The following SEPTIN9 variants were observed in gnomAD, a reference collection of about 807,000 sequenced individuals.
SEPTIN9 encodes the protein septin-9.
A neutral mutation model predicts 56.6 loss-of-function variants in SEPTIN9; 13 were observed. That is an observed-to-expected ratio of 0.23 (90% confidence interval 0.15 to 0.37). The LOEUF is 0.37. Ranked by LOEUF, SEPTIN9 falls within the 10% of genes least tolerant of loss-of-function variation. The probability of loss-of-function intolerance (pLI) is 1.00; values close to 1 mark genes in which losing one functional copy is unlikely to be tolerated. For synonymous variants in SEPTIN9, 332 were observed against 334.1 expected (o/e 0.99, Z 0.07); for missense variants, 650 against 823.1 (o/e 0.79, Z 2.57).
intron 2 of SEPTIN9, among the ~76,000 whole-genome samples, chr17:77,331,471 T>C (rs942110451): frequency 2.0e-5 from 3 of 152,002 alleles, no homozygotes; most frequent in Non-Finnish European, 4.4e-5. Flanking sequence ...ACTGGGCATT[T>C]CCCGTGCACC....
rs1220885340 is a variant in SEPTIN9, at chr17:77,434,244, G to GC, written c.721+31542dup. Among the ~76,000 whole-genome samples, 2 of 152,000 alleles carry GC rather than the reference G, an allele frequency of 1.3e-5. No individual in the cohort carries two copies. The highest frequency in any genetic ancestry group is 4.8e-5 in the African/African-American group (2 of 41,380). ...GGTGGCAGGACTGGCTGGGGTTCTGGCTCCAGGCCCAGCCCCAGCCCCTGT... is the reference window on the plus strand; with the variant it reads ...GGTGGCAGGACTGGCTGGGGTTCTGGCCTCCAGGCCCAGCCCCAGCCCCTGT... On this transcript the variant is annotated intron_variant, in intron 3 of 11. Transcript: ENST00000427177. The surrounding 1 kb of genome is among the most constrained non-coding windows in gnomAD (Gnocchi z 5.0).
intron 2 of SEPTIN9, among the ~76,000 whole-genome samples, chr17:77,390,474 C>T (rs1297628216): frequency 5.5e-5 from 6 of 108,310 alleles, no homozygotes; most frequent in South Asian, 3.3e-4. Context: ...TTTTTTGAGA[C>T]GGAGTCTCGC....
In SEPTIN9 at chr17:77,450,740, A is replaced by T. The variant is rs1476168723; in HGVS notation, c.722-31404A>T. The stretch of plus-strand genomic sequence containing the variant: ...GGGCTGGAGAGGCTGGAGAGGCAGG[A>T]GCTGGATCAGATCTGAATCCAGAGG... On this transcript the variant is annotated intron_variant, in intron 3 of 11. Coordinates refer to ENST00000427177, the MANE Select transcript of SEPTIN9 (RefSeq NM_001113491.2). This position sits in a 1 kb window ranked among gnomAD's most constrained non-coding sequence, Gnocchi z 6.0. The T allele has an allele frequency of 2.0e-6, 2 of 986,050 alleles. No homozygotes were observed. The highest frequency in any genetic ancestry group is 3.5e-5 in the African/African-American group (2 of 57,162). The allele number at this position is 986,050 out of a possible 1,614,324, so 61.1% of individuals were successfully genotyped here.
intron 2 of SEPTIN9, among the ~76,000 whole-genome samples, chr17:77,336,521 A>G (rs2033558729): frequency 6.6e-6 from 1 of 152,198 alleles, no homozygotes; most frequent in East Asian, 1.9e-4. Context: ...CACTATTTTA[A>G]GCTGAAATAG....
chr17:77,411,395 TTC>T (rs2036290596), intron 3 of SEPTIN9, among the ~76,000 whole-genome samples: 2 of 136,518 alleles, frequency 1.5e-5, no homozygotes, highest in African/African-American at 6.3e-5. Context: ...CTTTTTCTTT[TTC>T]TTTTTTTTTT....
chr17:77,402,205 G>T lies in SEPTIN9; in HGVS notation c.223G>T (p.Ala75Ser), dbSNP rs752068732. The change falls in exon 3 of 12, where the codon GCC becomes TCC. Residue 75 changes from alanine to serine, a missense_variant. Coordinates refer to ENST00000427177, the MANE Select transcript of SEPTIN9 (RefSeq NM_001113491.2). The surrounding 1 kb of genome is among the most constrained non-coding windows in gnomAD (Gnocchi z 6.6). ...GGGCGTGAAGAACTCAGAACCCTCG[G>T]CCCGCCATGTGGACTCCCTAAGCCA... ...DLGVKNSEPS[A>S]RHVDSLSQRS... 1.7e-5 allele frequency: 28 copies of T among 1,613,426 alleles called. No homozygotes were observed. Among genetic ancestry groups the T allele is most frequent in the Non-Finnish European group, 2.1e-5 (25 of 1,179,864 alleles).
At chr17:77,390,398 A>C (rs1291855384) in intron 2 of SEPTIN9, among the ~76,000 whole-genome samples, 1 of 141,622 alleles carries the variant, frequency 7.1e-6, no homozygotes, top group Non-Finnish European at 1.5e-5. Flanking sequence ...GAAGGCCTGC[A>C]GTCACCTCCC....
chr17:77,379,085 C>T (rs2143953197), intron 2 of SEPTIN9, among the ~76,000 whole-genome samples: 1 of 152,234 alleles, frequency 6.6e-6, no homozygotes, highest in Middle Eastern at 3.4e-3. Flanking sequence ...TGCAAGGGCC[C>T]AGTCAAGTGT....
chr17:77,464,625 G>A (rs2038626949), intron 3 of SEPTIN9, among the ~76,000 whole-genome samples: 2 of 150,722 alleles, frequency 1.3e-5, no homozygotes, highest in South Asian at 4.2e-4. Context: ...TTTTGAGACG[G>A]AGTCTCGCTC....
intron 2 of SEPTIN9, among the ~76,000 whole-genome samples, chr17:77,384,508 G>A (rs1384977832): frequency 1.3e-5 from 2 of 151,888 alleles, no homozygotes; most frequent in African/African-American, 2.4e-5. Flanking sequence ...TAGGATTCTC[G>A]GGGAGGAAGG....
chr17:77,309,279 T>C (rs902045177), intron 2 of SEPTIN9, among the ~76,000 whole-genome samples: 1 of 152,272 alleles, frequency 6.6e-6, no homozygotes, highest in Non-Finnish European at 1.5e-5. Context: ...CAGCTCAGCT[T>C]GGAAGCCTAA....
chr17:77,455,581 C>T (rs1171885091), intron 3 of SEPTIN9, among the ~76,000 whole-genome samples: 6 of 152,206 alleles, frequency 3.9e-5, no homozygotes, highest in Non-Finnish European at 8.8e-5. Flanking sequence ...CCAGGAGGTA[C>T]GCAGACGTGG....
At position 77,326,325 on chromosome 17, in the gene SEPTIN9, A is replaced by G. The variant is rs75810627; in HGVS notation, c.76+19128A>G. 0.016 allele frequency among the ~76,000 whole-genome samples: 2,456 copies of G among 152,360 alleles called. 76 individuals are homozygous for G. The highest frequency in any genetic ancestry group is 0.055 in the African/African-American group (2,293 of 41,576). ...CATGGGACTGCACAAGTGCAAGACC[A>G]CATCAGTAAACGTGAAACACAGGAA... is the stretch of plus-strand genomic sequence containing the variant. On this transcript the variant is annotated intron_variant, in intron 2 of 11. Transcript: ENST00000427177. The surrounding 1 kb of genome is among the most constrained non-coding windows in gnomAD (Gnocchi z 5.1).
At chr17:77,284,808 T>G (rs1465989931) in intron 1 of SEPTIN9, among the ~76,000 whole-genome samples, 2 of 152,020 alleles carry the variant, frequency 1.3e-5, no homozygotes, top group Non-Finnish European at 2.9e-5. Context: ...TTTTATATTT[T>G]TACTAGAGAT....
chr17:77,441,694 T>A (rs930870394), intron 3 of SEPTIN9, among the ~76,000 whole-genome samples: 2 of 152,168 alleles, frequency 1.3e-5, no homozygotes, highest in African/African-American at 4.8e-5. Flanking sequence ...AGCTGAAGAT[T>A]TTTCTTTCCG....
At chr17:77,290,244 G>A (rs2143508797) in intron 1 of SEPTIN9, among the ~76,000 whole-genome samples, 1 of 150,716 alleles carries the variant, frequency 6.6e-6, no homozygotes, top group Non-Finnish European at 1.5e-5. Flanking sequence ...AGAGCTTGCT[G>A]TCTTAAAATA....
chr17:77,357,641 A>T (rs557643606), intron 2 of SEPTIN9, among the ~76,000 whole-genome samples: 1 of 150,826 alleles, frequency 6.6e-6, no homozygotes, highest in African/African-American at 2.4e-5. Context: ...CTGAGATGGG[A>T]TCTTGCTAGG....
At chr17:77,291,196 TG>T (rs2031534399) in intron 1 of SEPTIN9, among the ~76,000 whole-genome samples, 1 of 151,362 alleles carries the variant, frequency 6.6e-6, no homozygotes, top group Admixed American at 6.6e-5. Context: ...CCGCCACACC[TG>T]GCTAATTTTT....
At chr17:77,472,951 G>A (rs927664936) in intron 3 of SEPTIN9, among the ~76,000 whole-genome samples, 2 of 152,250 alleles carry the variant, frequency 1.3e-5, no homozygotes, top group Non-Finnish European at 2.9e-5. Flanking sequence ...AGAACAGGAA[G>A]TCCCCAGTGA....
Sources: gnomAD v4.1 joint callset for allele counts (sites outside exome capture counted in the v4.1 genomes callset) on GRCh38, gnomAD v4.1.1 for gene constraint, Gnocchi (gnomAD v3.1) non-coding constraint, MANE v1.5 for transcripts, NCBI Gene and HGNC (gene_info 2026-07-23, HGNC 2026-07-21) for gene names.